HECW1: variants seen among roughly 807,000 people sequenced by gnomAD.
HECW1 encodes HECT, C2 and WW domain containing E3 ubiquitin protein ligase 1, also known as E3 ubiquitin-protein ligase HECW1.
In HECW1, 61 loss-of-function variants were observed where a neutral mutation model predicts 182.3. The ratio of observed to expected loss-of-function variants is 0.33; its 90% CI spans 0.27 to 0.41. The LOEUF is 0.41. Ranked by LOEUF, HECW1 falls within the 10% of genes least tolerant of loss-of-function variation. HECW1 has a pLI of 1.00. For missense variants in HECW1, 1,739 were observed against 2,108.9 expected, an observed-to-expected ratio of 0.82 and a Z score of 3.44; for synonymous variants, 859 against 832.6, an observed-to-expected ratio of 1.03 and a Z score of -0.55.
chr7:43,129,194 A>C (rs1017412421), intron 2 of HECW1, among the ~76,000 whole-genome samples: 9 of 152,252 alleles, frequency 5.9e-5, no homozygotes, highest in Admixed American at 5.9e-4. Context: ...ATCAAACAGC[A>C]TCACATGCTA....
intron 6 of HECW1, among the ~76,000 whole-genome samples, chr7:43,392,972 AAATGAG>A (rs1251688156): frequency 9.9e-5 from 15 of 152,218 alleles, no homozygotes; most frequent in African/African-American, 3.6e-4. Context: ...TGTAGAGAGA[AAATGAG>A]AATGAGAGTA....
chr7:43,459,026 G>A (rs973752567), intron 13 of HECW1, among the ~76,000 whole-genome samples: 3 of 152,136 alleles, frequency 2.0e-5, no homozygotes, highest in Non-Finnish European at 2.9e-5. Flanking sequence ...CCCCAGACGC[G>A]GCACACTCTT....
Position 43,444,392 on chromosome 7 carries a change from A to G in HECW1, c.1220A>G (p.Asn407Ser). The G allele has an allele frequency of 6.2e-7, 1 of 1,614,026 alleles. No individual in the cohort carries two copies. Among genetic ancestry groups the G allele is most frequent in the South Asian group, 1.1e-5 (1 of 91,068 alleles). ...GGCAGTGTCCCCGATGGTCCAGGGA[A>G]CCAAAGCATAGAGCTTTCCAGACCA... ...GEGSVPDGPG[N>S]QSIELSRPAE... Residue 407 changes from asparagine to serine, a missense_variant, in exon 11 of 30, where the codon AAC (asparagine) becomes AGC (serine). Asn to Ser is a conservative substitution (Grantham distance 46). This residue lies in a region of HECW1 where 971 missense variants were observed against 1,029.1 expected (regional missense o/e 0.94). Coordinates refer to ENST00000395891, the MANE Select transcript of HECW1 (RefSeq NM_015052.5). This position sits in a 1 kb window ranked among gnomAD's most constrained non-coding sequence, Gnocchi z 4.3.
At chr7:43,447,843 C>A (rs188777940) in intron 11 of HECW1, among the ~76,000 whole-genome samples, 5 of 152,196 alleles carry the variant, frequency 3.3e-5, no homozygotes, top group Admixed American at 3.3e-4. Flanking sequence ...CTGCATTAGA[C>A]GGCTGGGTGT....
chr7:43,154,596 A>G (rs1789679999), intron 2 of HECW1, among the ~76,000 whole-genome samples: 1 of 152,128 alleles, frequency 6.6e-6, no homozygotes. Context: ...GTGGGGGTAA[A>G]TAGTGTATAT....
intron 5 of HECW1, among the ~76,000 whole-genome samples, chr7:43,333,235 T>G (rs1410050207): frequency 6.6e-6 from 1 of 152,226 alleles, no homozygotes. Flanking sequence ...TCTACCAAAA[T>G]GGAGGTCTGG....
chr7:43,269,083 C>T (rs375358655), intron 3 of HECW1, among the ~76,000 whole-genome samples: 1 of 152,126 alleles, frequency 6.6e-6, no homozygotes, highest in East Asian at 1.9e-4. Flanking sequence ...TCATCCTCTC[C>T]CTCACCACTG....
At position 43,444,945 on chromosome 7, in the gene HECW1, C is replaced by T. The variant is rs1002238948; in HGVS notation, c.1773C>T (p.Leu591=). The change falls in exon 11 of 30, where the codon CTC becomes CTT. Residue 591 remains leucine (L), a synonymous_variant. Coordinates refer to ENST00000395891, the MANE Select transcript of HECW1 (RefSeq NM_015052.5). This position sits in a 1 kb window ranked among gnomAD's most constrained non-coding sequence, Gnocchi z 4.3. ...ACGGCGCGGAGGAGGAGTCCACCCT[C>T]AAGGACTCCTCGGAGAAGGATGGGC... is the stretch of plus-strand genomic sequence containing the variant. The part of the protein sequence containing the change: ...EEDGAEEEST[L]KDSSEKDGLS... The T allele has an allele frequency of 1.3e-6, 2 of 1,582,170 alleles. No individual in the cohort carries two copies. Among genetic ancestry groups the T allele is most frequent in the Non-Finnish European group, 1.7e-6 (2 of 1,163,434 alleles).
intron 2 of HECW1, among the ~76,000 whole-genome samples, chr7:43,186,511 C>CA (rs1010766949): frequency 7.3e-5 from 11 of 151,654 alleles, no homozygotes; most frequent in East Asian, 3.9e-4. Context: ...ACTAAAAATA[C>CA]AAAAAAATTT....
chr7:43,240,235 G>T (rs946715548), intron 2 of HECW1, among the ~76,000 whole-genome samples: 17 of 152,274 alleles, frequency 1.1e-4, no homozygotes, highest in Admixed American at 1.0e-3. Flanking sequence ...CTACTCGGGA[G>T]GCTGAGGCAG....
intron 24 of HECW1, among the ~76,000 whole-genome samples, chr7:43,537,542 A>G (rs998682756): frequency 6.8e-6 from 1 of 148,076 alleles, no homozygotes; most frequent in African/African-American, 2.5e-5. Flanking sequence ...CACCATTACT[A>G]GAAGGTGTTT....
At chr7:43,228,538 GAGA>G (rs1253790177) in intron 2 of HECW1, among the ~76,000 whole-genome samples, 1 of 152,140 alleles carries the variant, frequency 6.6e-6, no homozygotes, top group Non-Finnish European at 1.5e-5. Context: ...GAGTTTGGGG[GAGA>G]AGAACACTTG....
At chr7:43,257,123 G>T (rs535249747) in intron 3 of HECW1, among the ~76,000 whole-genome samples, 1 of 152,282 alleles carries the variant, frequency 6.6e-6, no homozygotes, top group African/African-American at 2.4e-5. Context: ...GGGCTGTGGG[G>T]CCACCCGAAT....
intron 2 of HECW1, among the ~76,000 whole-genome samples, chr7:43,213,886 T>A (rs1038703982): frequency 1.3e-5 from 2 of 152,122 alleles, no homozygotes; most frequent in African/African-American, 4.8e-5. Context: ...AATGGGAATA[T>A]GATTGCAATG....
intron 24 of HECW1, among the ~76,000 whole-genome samples, chr7:43,516,987 C>A (rs1319661069): frequency 6.6e-6 from 1 of 152,180 alleles, no homozygotes; most frequent in Non-Finnish European, 1.5e-5. Flanking sequence ...TAGGGCAGCT[C>A]CGTTATAATC....
chr7:43,366,548 G>A (rs1409405072), intron 6 of HECW1, among the ~76,000 whole-genome samples: 4 of 152,222 alleles, frequency 2.6e-5, no homozygotes, highest in East Asian at 1.9e-4. Flanking sequence ...ACAGGTTGCC[G>A]ACTGATGGGA....
intron 2 of HECW1, among the ~76,000 whole-genome samples, chr7:43,115,769 G>C (rs1489103381): frequency 6.6e-6 from 1 of 152,186 alleles, no homozygotes; most frequent in Non-Finnish European, 1.5e-5. Context: ...ATAATATCCT[G>C]AAATTACAGT....
At chr7:43,141,793 CGGT>C (rs1562591110) in intron 2 of HECW1, among the ~76,000 whole-genome samples, 2 of 152,162 alleles carry the variant, frequency 1.3e-5, no homozygotes, top group African/African-American at 4.8e-5. Context: ...CCACCGCACC[CGGT>C]GAGATATTTG....
At chr7:43,516,980 G>A (rs113573368) in intron 24 of HECW1, among the ~76,000 whole-genome samples, 77 of 152,234 alleles carry the variant, frequency 5.1e-4, no homozygotes, top group African/African-American at 1.8e-3. Context: ...ACCTGTATAG[G>A]GCAGCTCCGT....
Sources: allele counts gnomAD v4.1 joint callset (sites outside exome capture counted in the v4.1 genomes callset), GRCh38; gene constraint gnomAD v4.1.1; regional missense constraint gnomAD v4.1.1; non-coding constraint Gnocchi (gnomAD v3.1); transcripts MANE v1.5; gene names NCBI Gene and HGNC (gene_info 2026-07-23, HGNC 2026-07-21).